The following STARD9 variants were observed in gnomAD, a reference collection of about 807,000 sequenced individuals.
The protein encoded by STARD9 is stAR-related lipid transfer protein 9.
A neutral mutation model predicts 399.8 loss-of-function variants in STARD9; 346 were observed. The ratio of observed to expected loss-of-function variants is 0.87; its 90% CI spans 0.79 to 0.95. The LOEUF is 0.95. STARD9 is among the 40% of genes least tolerant of loss of function. STARD9 has a pLI of 0.00. For synonymous variants in STARD9, 2,203 were observed against 2,143.5 expected (o/e 1.03, Z -0.77); for missense variants, 5,832 against 5,667.5 (o/e 1.03, Z -0.93).
In STARD9 at chr15:42,688,277, C is replaced by G; in HGVS notation, c.6699C>G (p.Leu2233=). 1 of 1,537,556 alleles carries G rather than the reference C, an allele frequency of 6.5e-7. No homozygotes were observed. The highest frequency in any genetic ancestry group is 8.7e-7 in the Non-Finnish European group (1 of 1,147,020). The stretch of plus-strand genomic sequence containing the variant: ...AGTTTGTAAAAGCATCAGCAAGTCT[C>G]AAAGGGCAGCCTTGGGGCTTAGGAA... The part of the protein sequence containing the change: ...NGQFVKASAS[L]KGQPWGLGSL... The change falls in exon 23 of 33, where the codon CTC becomes CTG. Residue 2233 remains leucine, a synonymous_variant. Coordinates refer to ENST00000290607, the MANE Select transcript of STARD9 (RefSeq NM_020759.3).
At position 42,598,323 on chromosome 15, in the gene STARD9, G is replaced by A. The variant is rs557893800; in HGVS notation, c.234+12686G>A. Among the ~76,000 whole-genome samples the A allele has an allele frequency of 3.9e-5, 6 of 152,018 alleles. No homozygotes were observed. In the East Asian group the frequency reaches 1.2e-3, roughly 29 times the overall value. ...TGGGATTACAGGTGTGAGCCACCGT[G>A]CCCGGCCCAGCCTATATTTTTAATG... On this transcript the variant is annotated intron_variant, in intron 3 of 32. Coordinates refer to ENST00000290607, the MANE Select transcript of STARD9 (RefSeq NM_020759.3).
chr15:42,671,420 T>C (rs964168258), intron 16 of STARD9: 2 of 152,196 alleles, frequency 1.3e-5, no homozygotes, highest in Non-Finnish European at 2.9e-5. Context: ...CAAAGGGGCA[T>C]GAGAGCCTTT....
chr15:42,628,441 C>T (rs188263140), intron 3 of STARD9, among the ~76,000 whole-genome samples: 1 of 152,186 alleles, frequency 6.6e-6, no homozygotes, highest in African/African-American at 2.4e-5. Flanking sequence ...TGATGTGATC[C>T]CATTCATCCA....
chr15:42,635,025 C>G (rs1232322749), intron 4 of STARD9, 53 bp downstream of exon 4: 1 of 996,054 alleles, frequency 1.0e-6, no homozygotes, highest in East Asian at 2.7e-5. Flanking sequence ...CTGAACCTTG[C>G]ATTGTCCTTA....
intron 3 of STARD9, among the ~76,000 whole-genome samples, chr15:42,600,433 T>C (rs9652443): frequency 0.011 from 1,644 of 152,222 alleles, 40 homozygotes; most frequent in African/African-American, 0.038. Flanking sequence ...ATCTATTATA[T>C]GCCAGGGATG....
rs2060757067 is a variant in STARD9, at chr15:42,693,222, G to A, written c.11644G>A (p.Val3882Ile). The change falls in exon 23 of 33, where the codon GTC becomes ATC. Residue 3882 changes from valine to isoleucine, a missense_variant. Physicochemically the swap from Val to Ile is conservative, Grantham distance 29. Transcript: ENST00000290607. The stretch of plus-strand genomic sequence containing the variant: ...TTCCGAGTATCCTGGGGACTCCAGG[G>A]TCCAGAAGAAGCTGGGCCCCACAAG... ...STSEYPGDSRVQKKLGPTSAL... is the reference protein window; with the variant it reads ...STSEYPGDSRIQKKLGPTSAL... 2 of 1,536,902 alleles carry A rather than the reference G, an allele frequency of 1.3e-6. No homozygotes were observed. The highest frequency in any genetic ancestry group is 2.7e-5 in the African/African-American group (2 of 72,992).
In STARD9 at chr15:42,686,631, C is replaced by A. The variant is rs1484384236; in HGVS notation, c.5053C>A (p.Gln1685Lys). ...GAAAAATAGTGCAGTCCAGCCAGGG[C>A]AATTAAGTCCCGACAGCCACTACCC... ...LRKNSAVQPG[Q>K]LSPDSHYPLE... Residue 1685 changes from glutamine (Q) to lysine (K), a missense_variant, in exon 23 of 33, where the codon CAA becomes AAA. Gln to Lys is a moderately conservative substitution (Grantham distance 53, BLOSUM62 1). Around this residue, in one of 2 missense-constraint regions of STARD9, gnomAD observed 5,828 missense variants for 5,651.1 expected, o/e 1.03. Transcript: ENST00000290607. 1 of 1,537,230 alleles carries A rather than the reference C, an allele frequency of 6.5e-7. No homozygotes were observed. Among genetic ancestry groups the A allele is most frequent in the Non-Finnish European group, 8.7e-7 (1 of 1,146,926 alleles).
chr15:42,696,979 G>T (rs945430574), intron 26 of STARD9, among the ~76,000 whole-genome samples: 2 of 152,174 alleles, frequency 1.3e-5, no homozygotes, highest in African/African-American at 4.8e-5. Flanking sequence ...TCTGGCTGGG[G>T]ATGAATATTT....
At chr15:42,709,820 G>A (rs747009522) in intron 26 of STARD9, among the ~76,000 whole-genome samples, 1 of 152,116 alleles carries the variant, frequency 6.6e-6, no homozygotes, top group East Asian at 1.9e-4. Flanking sequence ...AGGGAATTTT[G>A]TATTTCCCTC....
chr15:42,657,916 A>G (rs1420557262), intron 9 of STARD9, among the ~76,000 whole-genome samples: 1 of 152,268 alleles, frequency 6.6e-6, no homozygotes, highest in Non-Finnish European at 1.5e-5. Context: ...TTGGATGTCT[A>G]TATGAAAAAA....
At chr15:42,585,178 A>G (rs532694601) in intron 2 of STARD9, among the ~76,000 whole-genome samples, 3 of 152,184 alleles carry the variant, frequency 2.0e-5, no homozygotes, top group African/African-American at 7.2e-5. Flanking sequence ...ATTCCGAAAC[A>G]GTTCTGGTCC....
At chr15:42,707,823 A>T (rs1389784550) in intron 26 of STARD9, among the ~76,000 whole-genome samples, 1 of 152,196 alleles carries the variant, frequency 6.6e-6, no homozygotes, top group Non-Finnish European at 1.5e-5. Context: ...ACAAAAAGAT[A>T]CACTCTAAGC....
intron 3 of STARD9, among the ~76,000 whole-genome samples, chr15:42,617,404 C>T (rs1482872568): frequency 1.3e-5 from 2 of 151,934 alleles, no homozygotes; most frequent in African/African-American, 4.8e-5. Context: ...CTCTTCTTGT[C>T]CAGGCTGGAG....
At chr15:42,662,975 A>C (rs1033699407) in intron 11 of STARD9, 84 bp downstream of exon 11, 8 of 1,060,690 alleles carry the variant, frequency 7.5e-6, no homozygotes, top group Non-Finnish European at 1.1e-5. Flanking sequence ...GGGTAGACAC[A>C]GGGTTCCTTT....
chr15:42,660,020 TAGC>T (rs1299706802), intron 9 of STARD9, among the ~76,000 whole-genome samples: 4 of 152,208 alleles, frequency 2.6e-5, no homozygotes, highest in African/African-American at 7.2e-5. Context: ...AATGGAATAA[TAGC>T]AGTAAAAATG....
chr15:42,661,020 G>T, intron 9 of STARD9, 138 bp from the exon 10 acceptor site: 1 of 598,586 alleles, frequency 1.7e-6, no homozygotes, highest in Non-Finnish European at 3.0e-6. Flanking sequence ...GAGCTCACCT[G>T]GTTTACATCA....
chr15:42,697,516 A>G (rs1203931899), intron 26 of STARD9, among the ~76,000 whole-genome samples: 1 of 152,200 alleles, frequency 6.6e-6, no homozygotes, highest in Non-Finnish European at 1.5e-5. Flanking sequence ...ATATATACAC[A>G]TACAGGTTGA....
At chr15:42,609,259 A>AG (rs2058800531) in intron 3 of STARD9, among the ~76,000 whole-genome samples, 1 of 152,160 alleles carries the variant, frequency 6.6e-6, no homozygotes. Context: ...GTGTTGAAGA[A>AG]GGCTTCTAAG....
At chr15:42,605,127 C>G (rs2058702229) in intron 3 of STARD9, among the ~76,000 whole-genome samples, 1 of 152,104 alleles carries the variant, frequency 6.6e-6, no homozygotes, top group African/African-American at 2.4e-5. Flanking sequence ...ATGGAGCTCT[C>G]TCCTGAGTTT....
Sources: allele counts gnomAD v4.1 joint callset (sites outside exome capture counted in the v4.1 genomes callset), GRCh38; gene constraint gnomAD v4.1.1; regional missense constraint gnomAD v4.1.1; transcripts MANE v1.5; gene names NCBI Gene and HGNC (gene_info 2026-07-23, HGNC 2026-07-21).